Variants in SOBP observed in about 807,000 individuals in gnomAD.
SOBP encodes sine oculis binding protein homolog, also known as sine oculis-binding protein homolog.
Under a neutral mutation model 53.6 loss-of-function variants are expected in SOBP, and 4 were observed. The ratio of observed to expected loss-of-function variants is 0.07; its 90% CI spans 0.04 to 0.17. SOBP has a LOEUF of 0.17. Among genes scored for constraint, SOBP ranks in the 10% least tolerant of loss-of-function variants. The pLI, the probability that SOBP is intolerant of heterozygous loss-of-function variation, is 1.00. For synonymous variants in SOBP, 584 were observed against 522.6 expected (o/e 1.12, Z -1.60); for missense variants, 1,088 against 1,204.7 (o/e 0.90, Z 1.43).
intron 5 of SOBP, among the ~76,000 whole-genome samples, chr6:107,612,083 A>G (rs534039091): frequency 1.3e-5 from 2 of 152,320 alleles, no homozygotes; most frequent in African/African-American, 4.8e-5. Context: ...TGCCGTTAGC[A>G]TAGTGAGATT....
intron 4 of SOBP, among the ~76,000 whole-genome samples, chr6:107,582,483 T>C (rs755550928): frequency 1.3e-5 from 2 of 152,070 alleles, no homozygotes; most frequent in Non-Finnish European, 2.9e-5. Flanking sequence ...ATGAAAATGG[T>C]TACACAACTG....
At chr6:107,601,347 T>C (rs1021622044) in intron 5 of SOBP, among the ~76,000 whole-genome samples, 17 of 152,136 alleles carry the variant, frequency 1.1e-4, no homozygotes, top group African/African-American at 4.1e-4. Flanking sequence ...CATATGAGAG[T>C]AGGGCCTGGA....
chr6:107,584,872 C>T (rs1182697726), intron 4 of SOBP, among the ~76,000 whole-genome samples: 1 of 151,696 alleles, frequency 6.6e-6, no homozygotes, highest in East Asian at 1.9e-4. Context: ...ATTTTTGCCA[C>T]TAATGTTGAA....
intron 6 of SOBP, among the ~76,000 whole-genome samples, chr6:107,636,819 T>A (rs192167278): frequency 1.3e-5 from 2 of 152,014 alleles, no homozygotes; most frequent in Non-Finnish European, 2.9e-5. Flanking sequence ...CTTCTAAGTG[T>A]TTTTCGGTAG....
In SOBP at chr6:107,635,570, C is replaced by T; in HGVS notation, c.*3+101C>T. On this transcript the variant is annotated intron_variant, in intron 6 of 6. Coordinates refer to ENST00000317357, the MANE Select transcript of SOBP (RefSeq NM_018013.4). This position sits in a 1 kb window ranked among gnomAD's most constrained non-coding sequence, Gnocchi z 4.5. ...GTTGTAATTATAGTCATGATTTTACCGTGTGTGTTTTATATTGCACACGGT... is the reference window on the plus strand; with the variant it reads ...GTTGTAATTATAGTCATGATTTTACTGTGTGTGTTTTATATTGCACACGGT... 3.3e-6 allele frequency: 5 copies of T among 1,517,726 alleles called. No homozygotes were observed. The highest frequency in any genetic ancestry group is 2.3e-5 in the East Asian group (1 of 44,054). The allele number at this position is 1,517,726 out of a possible 1,614,324, so 94.0% of individuals were successfully genotyped here.
intron 4 of SOBP, among the ~76,000 whole-genome samples, chr6:107,573,928 CA>C (rs1379374869): frequency 9.2e-5 from 14 of 152,148 alleles, no homozygotes; most frequent in South Asian, 2.1e-4. Flanking sequence ...ATGTATGGAG[CA>C]TGTGGGCTGA....
chr6:107,650,212 G>A (rs1771746390), intron 6 of SOBP, among the ~76,000 whole-genome samples: 1 of 151,918 alleles, frequency 6.6e-6, no homozygotes, highest in Admixed American at 6.6e-5. Flanking sequence ...CAGAGCCATA[G>A]GGTGAGTAGC....
Position 107,634,796 on chromosome 6 carries a change from A to G in SOBP, c.1952A>G (p.Asp651Gly). 7.1e-7 allele frequency: 1 copy of G among 1,401,346 alleles called. No individual in the cohort carries two copies. Among genetic ancestry groups the G allele is most frequent in the Non-Finnish European group, 9.3e-7 (1 of 1,075,418 alleles). 86.8% of individuals were successfully genotyped at this position (1,401,346 alleles called of 1,614,324 possible). ...CCAGGCGTGCTGCAGGGCCCGCAGG[A>G]CGGCGTCATCGACCTGACCGTGGGC... The part of the protein sequence containing the change: ...GFPGVLQGPQ[D>G]GVIDLTVGHR... Residue 651 changes from aspartate to glycine, a missense_variant, in exon 6 of 7, where the codon GAC (aspartate) becomes GGC (glycine). Coordinates refer to ENST00000317357, the MANE Select transcript of SOBP (RefSeq NM_018013.4). This position sits in a 1 kb window ranked among gnomAD's most constrained non-coding sequence, Gnocchi z 4.5.
intron 5 of SOBP, among the ~76,000 whole-genome samples, chr6:107,601,511 C>T (rs2115084212): frequency 6.6e-6 from 1 of 152,286 alleles, no homozygotes; most frequent in African/African-American, 2.4e-5. Context: ...ATTTTAAATG[C>T]AAGAAACACT....
chr6:107,505,776 G>A (rs890320051), intron 2 of SOBP, among the ~76,000 whole-genome samples: 1 of 151,816 alleles, frequency 6.6e-6, no homozygotes, highest in African/African-American at 2.4e-5. Flanking sequence ...TCAGCCTCCC[G>A]AGTAGCTGGG....
At chr6:107,506,150 C>A in intron 2 of SOBP, 92 bp from the exon 3 acceptor site, 1 of 1,069,708 alleles carries the variant, frequency 9.3e-7, no homozygotes, top group South Asian at 1.3e-5. Context: ...ATGTTGGGTT[C>A]ATGGCCATTT....
chr6:107,586,933 A>G lies in SOBP; in HGVS notation c.574-147A>G. On this transcript the variant is annotated intron_variant, in intron 4 of 6. Coordinates refer to ENST00000317357, the MANE Select transcript of SOBP (RefSeq NM_018013.4). ...TAAATCCCAAATTTTGATACCTAAA[A>G]GGCGTACTGCGTATTTAAACAAACT... 3 of 709,724 alleles carry G rather than the reference A, an allele frequency of 4.2e-6. No homozygotes were observed. The Admixed American group carries it at 6.2e-5, about 15-fold the overall frequency. The allele number at this position is 709,724 out of a possible 1,614,324, so 44.0% of individuals were successfully genotyped here.
At chr6:107,597,160 A>G (rs1785975614) in intron 5 of SOBP, among the ~76,000 whole-genome samples, 1 of 152,216 alleles carries the variant, frequency 6.6e-6, no homozygotes, top group South Asian at 2.1e-4. Flanking sequence ...AGAGATGGGA[A>G]GGGAGGCAAT....
chr6:107,559,278 T>C (rs2115022627), intron 4 of SOBP, among the ~76,000 whole-genome samples: 1 of 152,308 alleles, frequency 6.6e-6, no homozygotes, highest in East Asian at 1.9e-4. Flanking sequence ...TTGTTTTGTT[T>C]ACTTCCCACG....
At chr6:107,523,402 A>G (rs1004066098) in intron 3 of SOBP, among the ~76,000 whole-genome samples, 1 of 152,252 alleles carries the variant, frequency 6.6e-6, no homozygotes, top group Non-Finnish European at 1.5e-5. Flanking sequence ...GAAATGTTCT[A>G]GTAGGTTCAT....
At chr6:107,516,112 T>C (rs1485740414) in intron 3 of SOBP, among the ~76,000 whole-genome samples, 1 of 152,150 alleles carries the variant, frequency 6.6e-6, no homozygotes, top group Non-Finnish European at 1.5e-5. Flanking sequence ...ACAGCCAATA[T>C]TACGTAATAG....
chr6:107,595,978 C>A (rs1416495577), intron 5 of SOBP, among the ~76,000 whole-genome samples: 1 of 152,168 alleles, frequency 6.6e-6, no homozygotes, highest in Non-Finnish European at 1.5e-5. Context: ...ATTTTTTGCA[C>A]ACTTCCTACA....
intron 5 of SOBP, among the ~76,000 whole-genome samples, chr6:107,608,841 G>A (rs557672399): frequency 1.3e-5 from 2 of 152,332 alleles, no homozygotes; most frequent in East Asian, 1.9e-4. Context: ...GGGGTCCCAA[G>A]GAGGAACAGA....
intron 4 of SOBP, among the ~76,000 whole-genome samples, chr6:107,580,448 T>C (rs892529671): frequency 1.3e-5 from 2 of 152,218 alleles, no homozygotes; most frequent in African/African-American, 2.4e-5. Context: ...ATTCGACATA[T>C]ATTTACAGGA....
Sources: gnomAD v4.1 joint callset for allele counts (sites outside exome capture counted in the v4.1 genomes callset) on GRCh38, gnomAD v4.1.1 for gene constraint, Gnocchi (gnomAD v3.1) non-coding constraint, MANE v1.5 for transcripts, NCBI Gene and HGNC (gene_info 2026-07-23, HGNC 2026-07-21) for gene names.